Variants in KHDRBS2 observed in about 807,000 individuals in gnomAD.
KHDRBS2 encodes the protein KH domain-containing, RNA-binding, signal transduction-associated protein 2.
A neutral mutation model predicts 44.3 loss-of-function variants in KHDRBS2; 26 were observed. The ratio of observed to expected loss-of-function variants is 0.59; its 90% confidence interval spans 0.43 to 0.81. The LOEUF (loss-of-function observed/expected upper bound fraction) is 0.81. Among genes scored for constraint, KHDRBS2 ranks in the 40% least tolerant of loss-of-function variants. The probability of loss-of-function intolerance (pLI) is 0.00; values close to 1 mark genes in which losing one functional copy is unlikely to be tolerated. For missense variants in KHDRBS2, 476 were observed against 433.1 expected (o/e 1.10, Z -0.88); for synonymous variants, 194 against 151.1 (o/e 1.28, Z -2.08).
At chr6:61,862,829 C>T (rs1464359786) in intron 6 of KHDRBS2, among the ~76,000 whole-genome samples, 1 of 152,040 alleles carries the variant, frequency 6.6e-6, no homozygotes, top group East Asian at 1.9e-4. Context: ...TGACGCTGGC[C>T]TCATAGAATG....
intron 2 of KHDRBS2, among the ~76,000 whole-genome samples, chr6:62,085,671 G>A (rs1400981084): frequency 2.0e-5 from 3 of 152,086 alleles, no homozygotes; most frequent in Non-Finnish European, 4.4e-5. Flanking sequence ...ACTGAGGAAT[G>A]TATTTTTACC....
At chr6:62,197,953 A>G (rs1826034437) in intron 1 of KHDRBS2, among the ~76,000 whole-genome samples, 1 of 152,196 alleles carries the variant, frequency 6.6e-6, no homozygotes, top group Non-Finnish European at 1.5e-5. Context: ...CCACTCAATT[A>G]CATGGAAATT....
intron 2 of KHDRBS2, among the ~76,000 whole-genome samples, chr6:62,113,190 T>C (rs1805424630): frequency 1.3e-5 from 2 of 152,050 alleles, no homozygotes; most frequent in South Asian, 4.1e-4. Flanking sequence ...CCATTAAGAA[T>C]GGACATTCTT....
intron 6 of KHDRBS2, among the ~76,000 whole-genome samples, chr6:61,786,823 A>G (rs1470176932): frequency 6.6e-6 from 1 of 151,816 alleles, no homozygotes; most frequent in Admixed American, 6.6e-5. Flanking sequence ...GCAAATACTC[A>G]CACACATGTA....
intron 6 of KHDRBS2, among the ~76,000 whole-genome samples, chr6:61,844,419 A>T (rs964049363): frequency 1.3e-5 from 2 of 152,132 alleles, no homozygotes; most frequent in African/African-American, 4.8e-5. Flanking sequence ...TATTTTACTA[A>T]TTCCTGCATC....
chr6:61,688,612 A>G (rs546868360), intron 8 of KHDRBS2, among the ~76,000 whole-genome samples: 1 of 152,022 alleles, frequency 6.6e-6, no homozygotes, highest in East Asian at 1.9e-4. Context: ...CTCCCCCTAC[A>G]TTCTTCATTT....
At chr6:62,039,529 C>A (rs922035274) in intron 3 of KHDRBS2, among the ~76,000 whole-genome samples, 2 of 151,882 alleles carry the variant, frequency 1.3e-5, no homozygotes, top group East Asian at 1.9e-4. Context: ...TCTAATATAA[C>A]AATCTGGTTA....
chr6:62,092,871 T>C (rs1799741455), intron 2 of KHDRBS2, among the ~76,000 whole-genome samples: 1 of 152,044 alleles, frequency 6.6e-6, no homozygotes, highest in Non-Finnish European at 1.5e-5. Context: ...CATCCACCCA[T>C]TAGCCCCTCC....
intron 1 of KHDRBS2, among the ~76,000 whole-genome samples, chr6:62,206,091 T>G (rs1359286050): frequency 6.6e-6 from 1 of 152,162 alleles, no homozygotes; most frequent in African/African-American, 2.4e-5. Flanking sequence ...CATCCATTCA[T>G]GCTATTTAAA....
chr6:62,085,436 G>A (rs1584599988), intron 2 of KHDRBS2, among the ~76,000 whole-genome samples: 1 of 151,990 alleles, frequency 6.6e-6, no homozygotes. Context: ...GAGAAGAATA[G>A]GAAAGATTAG....
intron 2 of KHDRBS2, among the ~76,000 whole-genome samples, chr6:62,104,552 G>A (rs1313556528): frequency 6.6e-6 from 1 of 152,028 alleles, no homozygotes; most frequent in Admixed American, 6.6e-5. Context: ...AATAACATAT[G>A]AGTAAAAACA....
intron 1 of KHDRBS2, among the ~76,000 whole-genome samples, chr6:62,257,407 T>A (rs749310488): frequency 4.6e-5 from 7 of 152,098 alleles, no homozygotes; most frequent in Non-Finnish European, 7.4e-5. Context: ...CTATTAAAAC[T>A]ATCAAACTCA....
At chr6:61,981,079 C>A (rs1444571841) in intron 3 of KHDRBS2, among the ~76,000 whole-genome samples, 6 of 152,122 alleles carry the variant, frequency 3.9e-5, no homozygotes, top group Admixed American at 3.3e-4. Flanking sequence ...GGCATAAGAC[C>A]TAACCTGTCA....
Position 62,051,414 on chromosome 6 carries a change from G to T in KHDRBS2, c.220-3420C>A, listed in dbSNP as rs563648601. 6.6e-5 allele frequency among the ~76,000 whole-genome samples: 10 copies of T among 151,894 alleles called. No homozygotes were observed. The South Asian group carries it at 2.1e-3, about 32-fold the overall frequency. On this transcript the variant is annotated intron_variant, in intron 2 of 8. Coordinates refer to ENST00000281156, the MANE Select transcript of KHDRBS2 (RefSeq NM_152688.4). Reference sequence around the variant, plus strand: ...AATAAAGGTCCAATTTCATTCTTTTGCATATAGAAATCCAGTGTTTTTTTA... The same window carrying T: ...AATAAAGGTCCAATTTCATTCTTTTTCATATAGAAATCCAGTGTTTTTTTA...
At chr6:61,589,480 T>G in the KHDRBS2 span, among the ~76,000 whole-genome samples, 1 of 152,228 alleles carries the variant, frequency 6.6e-6, no homozygotes, top group Admixed American at 6.5e-5. Flanking sequence ...TTTTATTGTT[T>G]GAGTAACTTT....
intron 7 of KHDRBS2, among the ~76,000 whole-genome samples, chr6:61,721,025 T>A (rs1772402694): frequency 6.6e-6 from 1 of 151,542 alleles, no homozygotes. Context: ...GCACCATTTA[T>A]TAAATAGGGA....
intron 6 of KHDRBS2, among the ~76,000 whole-genome samples, chr6:61,864,828 G>A (rs891844533): frequency 6.6e-6 from 1 of 152,182 alleles, no homozygotes; most frequent in African/African-American, 2.4e-5. Flanking sequence ...GTTTGGGAAA[G>A]TTCTTCTGGA....
chr6:61,556,683 T>A, the KHDRBS2 span, among the ~76,000 whole-genome samples: 13 of 152,068 alleles, frequency 8.5e-5, no homozygotes, highest in African/African-American at 2.9e-4. Flanking sequence ...AGAACCTAAT[T>A]CAGCTTACAG....
At chr6:62,245,047 T>C (rs1456037361) in intron 1 of KHDRBS2, among the ~76,000 whole-genome samples, 1 of 152,102 alleles carries the variant, frequency 6.6e-6, no homozygotes, top group African/African-American at 2.4e-5. Flanking sequence ...AAGATCCCTA[T>C]ATACTAGAAA....
Sources: gnomAD v4.1 joint callset for allele counts (sites outside exome capture counted in the v4.1 genomes callset) on GRCh38, gnomAD v4.1.1 for gene constraint, MANE v1.5 for transcripts, NCBI Gene and HGNC (gene_info 2026-07-23, HGNC 2026-07-21) for gene names.